Variants in UBR4 observed in about 807,000 individuals in gnomAD.
UBR4 encodes ubiquitin protein ligase E3 component n-recognin 4.
In UBR4, 124 loss-of-function variants were observed where a neutral mutation model predicts 575.6. The ratio of observed to expected loss-of-function variants is 0.22; its 90% CI spans 0.19 to 0.25. The LOEUF (loss-of-function observed/expected upper bound fraction) is 0.25. Among genes scored for constraint, UBR4 ranks in the 10% least tolerant of loss-of-function variants. UBR4 has a pLI of 1.00. For synonymous variants in UBR4, 2,455 were observed against 2,473.7 expected (o/e 0.99, Z 0.22); for missense variants, 4,818 against 6,478.8 (o/e 0.74, Z 8.80).
Position 19,192,370 on chromosome 1 carries a change from C to T in UBR4, c.1212G>A (p.Gln404=), listed in dbSNP as rs749825863. ...SSRRAGGEHY[Q]NFQLLGAWCL... is the part of the protein sequence containing the mutation. The stretch of plus-strand genomic sequence containing the variant: ...ACCAAGCACCCAGCAATTGGAAATT[C>T]TGATAGTGCTGTTGTGAAAGGCACA... Residue 404 remains glutamine (Q), a synonymous_variant, in exon 11 of 106, where the codon CAG becomes CAA. Transcript: ENST00000375254. 1 of 1,614,120 alleles carries T rather than the reference C, an allele frequency of 6.2e-7. No homozygotes were observed. The highest frequency in any genetic ancestry group is 8.5e-7 in the Non-Finnish European group (1 of 1,180,022).
chr1:19,182,192 T>C (rs1051099008), intron 17 of UBR4, among the ~76,000 whole-genome samples: 1 of 152,240 alleles, frequency 6.6e-6, no homozygotes, highest in Non-Finnish European at 1.5e-5. Flanking sequence ...TGTTTATCCA[T>C]TCAAATGTCA....
At chr1:19,162,316 A>T (rs1368238073) in intron 35 of UBR4, 104 bp downstream of exon 35, 1 of 1,377,550 alleles carries the variant, frequency 7.3e-7, no homozygotes, top group Non-Finnish European at 9.8e-7. Flanking sequence ...AGGACTAGGA[A>T]GTTTTGAAGC....
chr1:19,202,807 C>T (rs1232074675), intron 1 of UBR4, among the ~76,000 whole-genome samples: 8 of 152,128 alleles, frequency 5.3e-5, no homozygotes, highest in African/African-American at 1.4e-4. Flanking sequence ...CGGTGGCTGG[C>T]CGGGTGTGGT....
chr1:19,091,368 T>G (rs989413992), intron 97 of UBR4, among the ~76,000 whole-genome samples: 2 of 152,214 alleles, frequency 1.3e-5, no homozygotes, highest in African/African-American at 4.8e-5. Flanking sequence ...GTACTCAAGT[T>G]ACCATGTTTT....
chr1:19,149,565 A>T (rs1439113864), intron 49 of UBR4, among the ~76,000 whole-genome samples: 1 of 152,158 alleles, frequency 6.6e-6, no homozygotes, highest in Non-Finnish European at 1.5e-5. Flanking sequence ...GACATGGCCA[A>T]CACCAAGAGT....
Position 19,141,721 on chromosome 1 carries a change from T to C in UBR4, c.8236A>G (p.Ile2746Val). Residue 2746 changes from isoleucine (I) to valine (V), a missense_variant, in exon 56 of 106, where the codon ATC (isoleucine) becomes GTC (valine). This residue lies in a region of UBR4 where 129 missense variants were observed against 198.4 expected (regional missense o/e 0.65). Coordinates refer to ENST00000375254, the MANE Select transcript of UBR4 (RefSeq NM_020765.3). ...TGACGGATGTGACCACCATTCGGGA[T>C]CCCTGATGACTGCATTTTCTCATCT... ...DADEKMQSSG[I>V]PNGGHIRQES... The C allele has an allele frequency of 6.2e-7, 1 of 1,614,248 alleles. No homozygotes were observed. The highest frequency in any genetic ancestry group is 2.2e-5 in the East Asian group (1 of 44,882).
At chr1:19,177,431 T>C in intron 19 of UBR4, 30 bp downstream of exon 19, 1 of 1,603,072 alleles carries the variant, frequency 6.2e-7, no homozygotes, top group Non-Finnish European at 8.5e-7. Flanking sequence ...TCAGTAATGG[T>C]GAAGCAAAAA....
chr1:19,092,084 A>G lies in UBR4; in HGVS notation c.14211+735T>C, dbSNP rs561462503. Among the ~76,000 whole-genome samples, 70 of 152,246 alleles carry G rather than the reference A, an allele frequency of 4.6e-4. No individual in the cohort carries two copies. The South Asian group carries it at 5.6e-3, about 12-fold the overall frequency. The stretch of plus-strand genomic sequence containing the variant: ...AATGGAGAACACATCGGTGGGTGCC[A>G]GGGGCTTGTGGCAGGGGAGCAGGGG... On this transcript the variant is annotated intron_variant, in intron 97 of 105. Coordinates refer to ENST00000375254, the MANE Select transcript of UBR4 (RefSeq NM_020765.3).
Position 19,107,825 on chromosome 1 carries a change from A to G in UBR4, c.12106-859T>C, listed in dbSNP as rs142713714. 4.0e-3 allele frequency among the ~76,000 whole-genome samples: 608 copies of G among 152,260 alleles called. 4 individuals are homozygous for G. Among genetic ancestry groups the G allele is most frequent in the Middle Eastern group, 0.014 (4 of 294 alleles). On this transcript the variant is annotated intron_variant, in intron 81 of 105. Coordinates refer to ENST00000375254, the MANE Select transcript of UBR4 (RefSeq NM_020765.3). ...AATAAAACACTGAGAAATTCTGAAG[A>G]TATTTGTTAATTCATTGAAAAAGAA...
chr1:19,141,265 T>A (rs920553421), intron 57 of UBR4, 82 bp downstream of exon 57: 1 of 1,591,478 alleles, frequency 6.3e-7, no homozygotes, highest in Non-Finnish European at 8.6e-7. Context: ...ACAAACTAAG[T>A]CAGCTGGATA....
At chr1:19,111,138 A>T (rs2079825346) in intron 78 of UBR4, among the ~76,000 whole-genome samples, 1 of 151,996 alleles carries the variant, frequency 6.6e-6, no homozygotes, top group Non-Finnish European at 1.5e-5. Context: ...AGTCTCCAAA[A>T]CCTAGACGTC....
chr1:19,201,813 T>A lies in UBR4; in HGVS notation c.179A>T (p.Glu60Val). Residue 60 changes from glutamate to valine, a missense_variant and splice_region_variant, in exon 2 of 106, where the codon GAA becomes GTA. Glu to Val is a moderately radical substitution (Grantham distance 121, BLOSUM62 -2). Coordinates refer to ENST00000375254, the MANE Select transcript of UBR4 (RefSeq NM_020765.3). The part of the protein sequence containing the change: ...PQLVASVIES[E>V]SEILHHEKQY... ...CTTCTCATGGTGCAGGATTTCTGAT[T>A]CACTGTAAAAATAATAATAATTCAG... 1 of 1,613,708 alleles carries A rather than the reference T, an allele frequency of 6.2e-7. No individual in the cohort carries two copies. Among genetic ancestry groups the A allele is most frequent in the East Asian group, 2.2e-5 (1 of 44,854 alleles).
At position 19,162,345 on chromosome 1, in the gene UBR4, CAG is replaced by C. The variant is rs1299917846; in HGVS notation, c.4956+73_4956+74del. 7 of 1,505,602 alleles carry C rather than the reference CAG, an allele frequency of 4.6e-6. No individual in the cohort carries two copies. In the Admixed American group the frequency reaches 8.9e-5, roughly 19 times the overall value. The allele number at this position is 1,505,602 out of a possible 1,614,324, so 93.3% of individuals were successfully genotyped here. ...TTGAAGCTCACAGGAGGCTGGAAAA[CAG>C]AGCCAAAAGCTTGGTACCATGCCAG... On this transcript the variant is annotated intron_variant, in intron 35 of 105. Transcript: ENST00000375254.
intron 34 of UBR4, 115 bp from the exon 35 acceptor site, chr1:19,162,726 G>C: frequency 1.6e-6 from 2 of 1,261,696 alleles, no homozygotes. Flanking sequence ...TGAGAGCAGA[G>C]AAGAAAAACA....
In UBR4 at chr1:19,138,000, T is replaced by C; in HGVS notation, c.8906+7A>G. The C allele has an allele frequency of 1.3e-6, 2 of 1,528,394 alleles. No homozygotes were observed. Among genetic ancestry groups the C allele is most frequent in the Non-Finnish European group, 1.8e-6 (2 of 1,129,862 alleles). The allele number at this position is 1,528,394 out of a possible 1,614,324, so 94.7% of individuals were successfully genotyped here. The stretch of plus-strand genomic sequence containing the variant: ...AGCCTCTTAACTGTGAAGGACTAGG[T>C]CTTGACCTGTTGCTAGTGTGGACAT... On this transcript the variant is annotated splice_region_variant and intron_variant, in intron 60 of 105. Transcript: ENST00000375254.
chr1:19,077,741 C>A (rs2076089129), intron 104 of UBR4: 5 of 1,438,294 alleles, frequency 3.5e-6, no homozygotes, highest in East Asian at 3.1e-5. Flanking sequence ...CTCAAAAAAA[C>A]CAAACCAAAC....
rs375422749 is a variant in UBR4, at chr1:19,127,581, C to T, written c.9228+42G>A. The T allele has an allele frequency of 1.4e-5, 22 of 1,532,374 alleles. 1 individual carries two copies. The highest frequency in any genetic ancestry group is 1.7e-4 in the Middle Eastern group (1 of 5,942). 94.9% of individuals were successfully genotyped at this position (1,532,374 alleles called of 1,614,324 possible). A position where few individuals can be genotyped will look rare whatever the true frequency, so the allele number is the denominator to read the frequency against. On this transcript the variant is annotated intron_variant, in intron 63 of 105. Coordinates refer to ENST00000375254, the MANE Select transcript of UBR4 (RefSeq NM_020765.3). ...TGGCCCTAGCACTACCCAGACAATCCGCTTACCTTTCCCCAAACCCATGAA... is the reference window on the plus strand; with the variant it reads ...TGGCCCTAGCACTACCCAGACAATCTGCTTACCTTTCCCCAAACCCATGAA...
At chr1:19,101,070 AG>A (rs1291493291) in intron 88 of UBR4, among the ~76,000 whole-genome samples, 1 of 152,130 alleles carries the variant, frequency 6.6e-6, no homozygotes, top group Non-Finnish European at 1.5e-5. Flanking sequence ...AATAGCAGGA[AG>A]GGTTCTCTGG....
intron 18 of UBR4, 75 bp downstream of exon 18, chr1:19,178,976 A>G: frequency 6.4e-7 from 1 of 1,553,850 alleles, no homozygotes; most frequent in African/African-American, 1.4e-5. Flanking sequence ...AAAGCCACAG[A>G]TTAACTACAA....
Sources: allele counts gnomAD v4.1 joint callset (sites outside exome capture counted in the v4.1 genomes callset), GRCh38; gene constraint gnomAD v4.1.1; regional missense constraint gnomAD v4.1.1; transcripts MANE v1.5; gene names NCBI Gene and HGNC (gene_info 2026-07-23, HGNC 2026-07-21).